STPG2: variants seen among roughly 807,000 people sequenced by gnomAD.
STPG2 encodes sperm tail PG-rich repeat containing 2, also known as sperm-tail PG-rich repeat-containing protein 2.
STPG2 carries 56 observed loss-of-function variants against 54.2 expected under a neutral mutation model. That is an observed-to-expected ratio of 1.03 (90% CI 0.83 to 1.29). The LOEUF is 1.29. STPG2 is among the 50% of genes most tolerant of loss of function. The probability of loss-of-function intolerance (pLI) is 0.00; values close to 1 mark genes in which losing one functional copy is unlikely to be tolerated. For missense variants in STPG2, 596 were observed against 544.9 expected (o/e 1.09, Z -0.93); for synonymous variants, 200 against 181.8 (o/e 1.10, Z -0.81).
At chr4:97,853,993 T>C (rs944512056) in intron 8 of STPG2, among the ~76,000 whole-genome samples, 5 of 152,122 alleles carry the variant, frequency 3.3e-5, no homozygotes, top group African/African-American at 1.2e-4. Flanking sequence ...TTATTGTTGT[T>C]GTTTGTTTGT....
chr4:97,803,101 T>C (rs181272746), intron 9 of STPG2, among the ~76,000 whole-genome samples: 17 of 152,272 alleles, frequency 1.1e-4, no homozygotes, highest in Non-Finnish European at 1.8e-4. Context: ...ACCTTCAGTT[T>C]GGCTTCCAGG....
intron 5 of STPG2, among the ~76,000 whole-genome samples, chr4:98,034,625 G>C (rs1211816606): frequency 6.6e-6 from 1 of 152,112 alleles, no homozygotes; most frequent in African/African-American, 2.4e-5. Context: ...AACCAAAAAA[G>C]AGCCCTCATA....
chr4:97,458,216 C>G (rs1729575569), intron 4 of STPG2, among the ~76,000 whole-genome samples: 1 of 152,136 alleles, frequency 6.6e-6, no homozygotes, highest in African/African-American at 2.4e-5. Context: ...ACAAAAGTAT[C>G]TGAAAGTACT....
At chr4:97,778,278 G>C (rs1015249016) in intron 9 of STPG2, among the ~76,000 whole-genome samples, 1 of 151,886 alleles carries the variant, frequency 6.6e-6, no homozygotes, top group Non-Finnish European at 1.5e-5. Flanking sequence ...CCCATGCCTG[G>C]CTCGGAGGGT....
chr4:98,013,580 C>CTTTTTTTTTTTTTTT (rs34198207), intron 5 of STPG2, among the ~76,000 whole-genome samples: 1 of 74,584 alleles, frequency 1.3e-5, no homozygotes, highest in Non-Finnish European at 2.4e-5. Flanking sequence ...TGGTCCTGGG[C>CTTTTTTTTTTTTTTT]TTTTTTTTTT....
intron 4 of STPG2, among the ~76,000 whole-genome samples, chr4:97,504,460 T>G (rs1010656471): frequency 1.3e-5 from 2 of 151,788 alleles, no homozygotes; most frequent in African/African-American, 2.4e-5. Context: ...AGGAACAGCA[T>G]TGGAAAATGA....
rs1578695858 is a variant in STPG2 at position 97,923,975 on chromosome 4, G to A, written c.1044+19922C>T. 3.3e-5 allele frequency among the ~76,000 whole-genome samples: 5 copies of A among 152,294 alleles called. No homozygotes were observed. In the South Asian group the frequency reaches 1.0e-3, roughly 32 times the overall value. On this transcript the variant is annotated intron_variant, in intron 8 of 10. Coordinates refer to ENST00000295268, the MANE Select transcript of STPG2 (RefSeq NM_174952.3). ...ATAAGAGAATAAAAGCAGGCTGCCT[G>A]AGCCAGCAGTGGCAACCCACTTGGG...
intron 7 of STPG2, among the ~76,000 whole-genome samples, chr4:97,970,116 T>A (rs1734271152): frequency 6.6e-6 from 1 of 152,066 alleles, no homozygotes; most frequent in Non-Finnish European, 1.5e-5. Context: ...GTGAAGAACC[T>A]CTTCAAGGAG....
At chr4:97,974,854 C>T (rs1398114401) in intron 6 of STPG2, among the ~76,000 whole-genome samples, 1 of 152,030 alleles carries the variant, frequency 6.6e-6, no homozygotes, top group African/African-American at 2.4e-5. Flanking sequence ...GCCATATGAC[C>T]AGAAATTCTA....
At chr4:97,925,805 C>T (rs896995167) in intron 8 of STPG2, among the ~76,000 whole-genome samples, 1 of 152,132 alleles carries the variant, frequency 6.6e-6, no homozygotes, top group Non-Finnish European at 1.5e-5. Flanking sequence ...ATTTTGAGCT[C>T]CTGAGACACT....
intron 6 of STPG2, among the ~76,000 whole-genome samples, chr4:97,974,002 G>C (rs1262914019): frequency 6.6e-6 from 1 of 152,154 alleles, no homozygotes; most frequent in Non-Finnish European, 1.5e-5. Flanking sequence ...TGCACCATGT[G>C]CCTGGAAAAG....
At chr4:97,744,049 C>A (rs1725351447) in intron 9 of STPG2, among the ~76,000 whole-genome samples, 1 of 151,366 alleles carries the variant, frequency 6.6e-6, no homozygotes, top group South Asian at 2.1e-4. Context: ...GAAGCCTTTG[C>A]ATTTATATAA....
At chr4:97,564,661 T>A (rs1240023908) in intron 10 of STPG2, among the ~76,000 whole-genome samples, 1 of 152,220 alleles carries the variant, frequency 6.6e-6, no homozygotes, top group East Asian at 1.9e-4. Context: ...TTTGCTTGTC[T>A]GTAAAGTATT....
At chr4:97,689,735 T>C (rs1484807198) in intron 10 of STPG2, among the ~76,000 whole-genome samples, 2 of 152,162 alleles carry the variant, frequency 1.3e-5, no homozygotes, top group African/African-American at 4.8e-5. Context: ...ATTTAGTTTT[T>C]AATCATTTAA....
At chr4:97,900,546 G>C (rs1389117709) in intron 8 of STPG2, among the ~76,000 whole-genome samples, 2 of 151,964 alleles carry the variant, frequency 1.3e-5, no homozygotes, top group East Asian at 1.9e-4. Context: ...TGACAGACTG[G>C]ATAAAGAAAA....
chr4:97,853,178 C>A (rs1028713051), intron 8 of STPG2, among the ~76,000 whole-genome samples: 4 of 151,768 alleles, frequency 2.6e-5, no homozygotes, highest in Non-Finnish European at 5.9e-5. Context: ...CGGGGTTTCA[C>A]CGTGGTCTAG....
intron 5 of STPG2, among the ~76,000 whole-genome samples, chr4:98,004,958 T>C (rs927248820): frequency 7.0e-6 from 1 of 143,766 alleles, no homozygotes; most frequent in African/African-American, 2.7e-5. Context: ...TGTTGACTAT[T>C]TTCTTTGCTG....
In STPG2 at chr4:97,721,046, G is replaced by C. The variant is rs182631467; in HGVS notation, c.1205-8232C>G. 1.7e-4 allele frequency among the ~76,000 whole-genome samples: 26 copies of C among 152,114 alleles called. No homozygotes were observed. In the East Asian group the frequency reaches 3.7e-3, roughly 21 times the overall value. ...TCAAAAACATACAGATTTAAATACAGTGCCTTAACCATTTCTTTCAGGATT... is the reference window on the plus strand; with the variant it reads ...TCAAAAACATACAGATTTAAATACACTGCCTTAACCATTTCTTTCAGGATT... On this transcript the variant is annotated intron_variant, in intron 9 of 10. Coordinates refer to ENST00000295268, the MANE Select transcript of STPG2 (RefSeq NM_174952.3).
chr4:97,962,116 C>T (rs967379778), intron 7 of STPG2, among the ~76,000 whole-genome samples: 3 of 152,080 alleles, frequency 2.0e-5, no homozygotes, highest in Non-Finnish European at 2.9e-5. Context: ...AATGGAAAAC[C>T]AAACATCTTA....
Sources: allele counts gnomAD v4.1 joint callset (sites outside exome capture counted in the v4.1 genomes callset), GRCh38; gene constraint gnomAD v4.1.1; transcripts MANE v1.5; gene names NCBI Gene and HGNC (gene_info 2026-07-23, HGNC 2026-07-21).